Variants in DROSHA observed in about 807,000 individuals in gnomAD.
The protein encoded by DROSHA is ribonuclease 3.
In DROSHA, 56 loss-of-function variants were observed where a neutral mutation model predicts 181.9. The ratio of observed to expected loss-of-function variants is 0.31; its 90% CI spans 0.25 to 0.38. The LOEUF (loss-of-function observed/expected upper bound fraction) is 0.38, where lower values mean the gene tolerates loss of function less well. DROSHA is among the 10% of genes least tolerant of loss of function. The probability of loss-of-function intolerance (pLI) is 1.00; values close to 1 mark genes in which losing one functional copy is unlikely to be tolerated. For missense variants in DROSHA, 1,218 were observed against 1,743.5 expected, an observed-to-expected ratio of 0.70 and a Z score of 5.37; for synonymous variants, 524 against 591.2, an observed-to-expected ratio of 0.89 and a Z score of 1.65.
At chr5:31,494,248 A>AT (rs1231581583) in intron 12 of DROSHA, among the ~76,000 whole-genome samples, 1 of 152,006 alleles carries the variant, frequency 6.6e-6, no homozygotes, top group East Asian at 1.9e-4. Context: ...GATTACAGGC[A>AT]TGAGCCACCA....
rs1406811582 is a variant in DROSHA, at chr5:31,484,885, A to T, written c.1992T>A (p.Leu664=). The T allele has an allele frequency of 1.3e-6, 2 of 1,536,874 alleles. No individual in the cohort carries two copies. The highest frequency in any genetic ancestry group is 1.8e-6 in the Non-Finnish European group (2 of 1,136,604). The change falls in exon 15 of 36, where the codon CTT becomes CTA. Residue 664 remains leucine, a synonymous_variant. Coordinates refer to ENST00000344624, the MANE Select transcript of DROSHA (RefSeq NM_001382508.1). Reference sequence around the variant, plus strand: ...TCTTTAAATCCTATTACTTACCTTTAAGATTCCAGTCATATAATTCCAAAA... The same window carrying T: ...TCTTTAAATCCTATTACTTACCTTTTAGATTCCAGTCATATAATTCCAAAA... ...RDILELYDWN[L]KGPLFEDSPP...
At chr5:31,507,630 A>G (rs934063182) in intron 10 of DROSHA, among the ~76,000 whole-genome samples, 7 of 152,236 alleles carry the variant, frequency 4.6e-5, no homozygotes, top group Middle Eastern at 3.4e-3. Context: ...AAAACAAAAA[A>G]ACAAAAAAAC....
chr5:31,421,917 C>CGTGTGTGTGAGTGTGTGTGTGTGT (rs1742760718), intron 29 of DROSHA: 1 of 75,188 alleles, frequency 1.3e-5, no homozygotes, highest in African/African-American at 6.3e-5. Flanking sequence ...AAAAATTAGC[C>CGTGTGTGTGAGTGTGTGTGTGTGT]GTGTGTGTGT....
intron 11 of DROSHA, among the ~76,000 whole-genome samples, chr5:31,503,421 C>T (rs903944253): frequency 2.0e-5 from 3 of 152,168 alleles, no homozygotes; most frequent in Non-Finnish European, 4.4e-5. Context: ...CACCACTGCC[C>T]ATCTAGTCTC....
chr5:31,465,167 A>T (rs1748864846), intron 19 of DROSHA, among the ~76,000 whole-genome samples: 1 of 152,222 alleles, frequency 6.6e-6, no homozygotes, highest in African/African-American at 2.4e-5. Context: ...CAAAGCCAGA[A>T]TTCAAACACT....
intron 6 of DROSHA, among the ~76,000 whole-genome samples, chr5:31,517,918 AC>A (rs772079970): frequency 1.3e-5 from 2 of 152,172 alleles, no homozygotes; most frequent in Non-Finnish European, 2.9e-5. Flanking sequence ...ATTTTTAATA[AC>A]TAAAAAAAAA....
intron 23 of DROSHA, among the ~76,000 whole-genome samples, chr5:31,439,650 T>C (rs2150007622): frequency 6.6e-6 from 1 of 152,216 alleles, no homozygotes; most frequent in South Asian, 2.1e-4. Context: ...GGTACGTATG[T>C]GTAGGAAAAA....
intron 27 of DROSHA, 83 bp from the exon 28 acceptor site, chr5:31,424,554 A>C: frequency 6.8e-7 from 1 of 1,466,690 alleles, no homozygotes; most frequent in African/African-American, 1.4e-5. Flanking sequence ...CATTATTTGA[A>C]ATACGGAACT....
At chr5:31,493,936 ATTGTGTGTGTGTGTGTGTGT>A (rs1248293597) in intron 12 of DROSHA, among the ~76,000 whole-genome samples, 2 of 127,634 alleles carry the variant, frequency 1.6e-5, no homozygotes, top group Non-Finnish European at 3.3e-5. Flanking sequence ...ATAACCCACC[ATTGTGTGTGTGTGTGTGTGT>A]GTGTGTGTGT....
Position 31,405,604 on chromosome 5 carries a change from T to A in DROSHA, c.3994+73A>T, listed in dbSNP as rs1740543830. On this transcript the variant is annotated intron_variant, in intron 35 of 35. Coordinates refer to ENST00000344624, the MANE Select transcript of DROSHA (RefSeq NM_001382508.1). The stretch of plus-strand genomic sequence containing the variant: ...ATTTTATCAATACTTACCATTTTTC[T>A]CCTTCCTCATTTCCTTTCCATAAAA... 7.5e-7 allele frequency: 1 copy of A among 1,326,910 alleles called. No individual in the cohort carries two copies. The highest frequency in any genetic ancestry group is 1.5e-5 in the African/African-American group (1 of 66,924). 82.2% of individuals were successfully genotyped at this position (1,326,910 alleles called of 1,614,324 possible). A position where few individuals can be genotyped will look rare whatever the true frequency, so the allele number is the denominator to read the frequency against.
At chr5:31,418,090 G>A (rs905681671) in intron 30 of DROSHA, among the ~76,000 whole-genome samples, 18 of 152,230 alleles carry the variant, frequency 1.2e-4, no homozygotes, top group South Asian at 8.3e-4. Context: ...CTCCTCTCAC[G>A]GGAAGATGCT....
intron 20 of DROSHA, among the ~76,000 whole-genome samples, chr5:31,454,939 C>CAAA (rs11340436): frequency 4.0e-5 from 3 of 74,320 alleles, no homozygotes; most frequent in Non-Finnish European, 5.7e-5. Flanking sequence ...GACTCTGTCT[C>CAAA]AAAAAAAAAA....
At chr5:31,430,151 T>C (rs1196266050) in intron 26 of DROSHA, among the ~76,000 whole-genome samples, 3 of 152,244 alleles carry the variant, frequency 2.0e-5, no homozygotes, top group Non-Finnish European at 4.4e-5. Context: ...TGTTTACACT[T>C]GTCTTCAGAA....
chr5:31,479,949 T>C (rs954385768), intron 16 of DROSHA, among the ~76,000 whole-genome samples: 3 of 151,834 alleles, frequency 2.0e-5, no homozygotes, highest in Non-Finnish European at 4.4e-5. Context: ...ATTAACAGTG[T>C]ATGAAAATTC....
At chr5:31,443,973 C>T (rs1324639664) in intron 23 of DROSHA, among the ~76,000 whole-genome samples, 5 of 152,054 alleles carry the variant, frequency 3.3e-5, no homozygotes, top group Non-Finnish European at 7.4e-5. Flanking sequence ...TCTTACAGTC[C>T]AGTAAAGAAA....
At chr5:31,480,122 GT>G (rs538147239) in intron 16 of DROSHA, among the ~76,000 whole-genome samples, 1 of 138,716 alleles carries the variant, frequency 7.2e-6, no homozygotes, top group African/African-American at 2.6e-5. Context: ...CCTAGATAGT[GT>G]TTTTTTTAAA....
intron 13 of DROSHA, among the ~76,000 whole-genome samples, chr5:31,488,413 CAAAA>C (rs746732224): frequency 1.6e-5 from 1 of 64,088 alleles, no homozygotes; most frequent in Non-Finnish European, 3.3e-5. Flanking sequence ...ACTCTATCAC[CAAAA>C]AAAAAAAAAA....
chr5:31,494,673 T>G (rs759234645), intron 12 of DROSHA, among the ~76,000 whole-genome samples: 1 of 152,118 alleles, frequency 6.6e-6, no homozygotes, highest in Non-Finnish European at 1.5e-5. Context: ...TGGAAACAGT[T>G]TGGCATTTCT....
At chr5:31,407,153 A>C in intron 33 of DROSHA, 1 of 347,318 alleles carries the variant, frequency 2.9e-6, no homozygotes, top group Non-Finnish European at 5.2e-6. Context: ...GAAATTTTTA[A>C]AAATTCTGCA....
Sources: allele counts gnomAD v4.1 joint callset (sites outside exome capture counted in the v4.1 genomes callset), GRCh38; gene constraint gnomAD v4.1.1; transcripts MANE v1.5; gene names NCBI Gene and HGNC (gene_info 2026-07-23, HGNC 2026-07-21).